PPA2: variants seen among roughly 807,000 people sequenced by gnomAD.
The protein encoded by PPA2 is inorganic pyrophosphatase 2, also known as inorganic pyrophosphatase 2, mitochondrial.
PPA2 carries 48 observed loss-of-function variants against 49.5 expected under a neutral mutation model. The observed-to-expected ratio is 0.97, with a 90% CI of 0.77 to 1.23. The LOEUF is 1.23. Among genes scored for constraint, PPA2 ranks in the 50% most tolerant of loss-of-function variants. The pLI is 0.00. For missense variants in PPA2, 429 were observed against 410.1 expected (o/e 1.05, Z -0.40); for synonymous variants, 131 against 139.9 (o/e 0.94, Z 0.45).
At position 105,424,199 on chromosome 4, in the gene PPA2, G is replaced by GA. The variant is rs1369031610; in HGVS notation, c.651dup (p.His218SerfsTer2). ...TTCTGGAAAGTAACAGTCTTACCAT[G>GA]AAACTTTGAGGCTTCAGGATCATTC... On this transcript the variant is annotated frameshift_variant, in exon 7 of 12. Coordinates refer to ENST00000341695, the MANE Select transcript of PPA2 (RefSeq NM_176869.3). LOFTEE classifies it high-confidence loss of function. 3.1e-6 allele frequency: 5 copies of GA among 1,600,922 alleles called. No homozygotes were observed. The highest frequency in any genetic ancestry group is 4.2e-6 in the Non-Finnish European group (5 of 1,177,118).
In PPA2 at chr4:105,395,358, T is replaced by C. The variant is rs550452793; in HGVS notation, c.869+891A>G. On this transcript the variant is annotated intron_variant, in intron 9 of 11. Coordinates refer to ENST00000341695, the MANE Select transcript of PPA2 (RefSeq NM_176869.3). ...GAGCACAGGGACTCTATCGTATTCA[T>C]AGTGTTATCTTTAGTACCCCCACAG... Among the ~76,000 whole-genome samples, 100 of 151,940 alleles carry C rather than the reference T, an allele frequency of 6.6e-4. 1 individual carries two copies. The Middle Eastern group carries it at 0.014, about 21-fold the overall frequency.
At chr4:105,436,447 C>A (rs1724061209) in intron 6 of PPA2, among the ~76,000 whole-genome samples, 1 of 151,998 alleles carries the variant, frequency 6.6e-6, no homozygotes, top group South Asian at 2.1e-4. Flanking sequence ...GTCATTTTTT[C>A]ACAGCATTAG....
intron 10 of PPA2, among the ~76,000 whole-genome samples, chr4:105,374,851 C>G (rs113643997): frequency 0.031 from 4,500 of 145,862 alleles, 198 homozygotes; most frequent in African/African-American, 0.096. Context: ...CTTTCTTTTT[C>G]TTTTTTCTTT....
chr4:105,435,437 C>T (rs66517713), intron 6 of PPA2, among the ~76,000 whole-genome samples: 19,146 of 152,078 alleles, frequency 0.13, 1,289 homozygotes, highest in African/African-American at 0.16. Context: ...CACCAAGGCA[C>T]ACAGTCATCA....
At chr4:105,413,339 G>C (rs1355631616) in intron 7 of PPA2, among the ~76,000 whole-genome samples, 1 of 152,014 alleles carries the variant, frequency 6.6e-6, no homozygotes, top group Non-Finnish European at 1.5e-5. Context: ...GACTGGGGGA[G>C]GGATAGTATT....
intron 3 of PPA2, among the ~76,000 whole-genome samples, chr4:105,450,538 G>A (rs1179016049): frequency 1.4e-5 from 2 of 145,978 alleles, no homozygotes; most frequent in African/African-American, 5.0e-5. Context: ...CAGCACGCCT[G>A]CTAATTTTTG....
chr4:105,440,398 A>G (rs990751395), intron 5 of PPA2, among the ~76,000 whole-genome samples: 2 of 151,852 alleles, frequency 1.3e-5, no homozygotes, highest in Non-Finnish European at 2.9e-5. Context: ...AGTGGCTGGA[A>G]CTACAGGCGC....
intron 9 of PPA2, among the ~76,000 whole-genome samples, chr4:105,395,754 G>A (rs1490592): frequency 0.42 from 64,319 of 151,838 alleles, 14,245 homozygotes; most frequent in East Asian, 0.68. Context: ...ATGTTAGAGT[G>A]TATATAAAAT....
intron 1 of PPA2, among the ~76,000 whole-genome samples, chr4:105,472,616 C>T (rs1723569772): frequency 6.6e-6 from 1 of 152,120 alleles, no homozygotes; most frequent in South Asian, 2.1e-4. Context: ...TTCCTGTTCA[C>T]CTGATCAGTC....
chr4:105,467,272 GAAGT>G (rs1276523698), intron 1 of PPA2, among the ~76,000 whole-genome samples: 2 of 152,208 alleles, frequency 1.3e-5, no homozygotes, highest in Non-Finnish European at 2.9e-5. Flanking sequence ...AGATCTGAAT[GAAGT>G]GAGGGAAGAG....
At chr4:105,391,535 G>T (rs530444339) in intron 9 of PPA2, among the ~76,000 whole-genome samples, 3 of 126,126 alleles carry the variant, frequency 2.4e-5, no homozygotes, top group South Asian at 3.0e-4. Context: ...TCAATACAAA[G>T]TATTAAAAAA....
chr4:105,391,494 A>G (rs1451716407), intron 9 of PPA2, among the ~76,000 whole-genome samples: 1 of 152,032 alleles, frequency 6.6e-6, no homozygotes, highest in African/African-American at 2.4e-5. Context: ...CTACTGCATC[A>G]AGTCCTGCTA....
intron 10 of PPA2, among the ~76,000 whole-genome samples, chr4:105,378,456 GT>G (rs1733346718): frequency 1.3e-5 from 2 of 152,026 alleles, no homozygotes; most frequent in Non-Finnish European, 1.5e-5. Context: ...GTTTTCTTGA[GT>G]TGTGAAAGTT....
chr4:105,391,225 T>C (rs548987667), intron 9 of PPA2, among the ~76,000 whole-genome samples: 65 of 151,482 alleles, frequency 4.3e-4, no homozygotes, highest in East Asian at 7.8e-4. Flanking sequence ...AAATGGCTGA[T>C]GCAGGCAGGG....
At chr4:105,451,173 G>A (rs1407438031) in intron 3 of PPA2, among the ~76,000 whole-genome samples, 2 of 152,096 alleles carry the variant, frequency 1.3e-5, no homozygotes, top group African/African-American at 4.8e-5. Flanking sequence ...ATTTTTATAG[G>A]CTCTCCAAGC....
At chr4:105,377,716 T>G (rs1733314116) in intron 10 of PPA2, among the ~76,000 whole-genome samples, 1 of 152,164 alleles carries the variant, frequency 6.6e-6, no homozygotes, top group Non-Finnish European at 1.5e-5. Context: ...AAAATCCTCC[T>G]TCCTGGCTCT....
At chr4:105,421,762 G>A (rs190726321) in intron 7 of PPA2, among the ~76,000 whole-genome samples, 128 of 152,268 alleles carry the variant, frequency 8.4e-4, no homozygotes, top group Non-Finnish European at 1.6e-3. Flanking sequence ...TACCAAACTT[G>A]CTGGGCATGG....
intron 10 of PPA2, among the ~76,000 whole-genome samples, chr4:105,382,340 T>C (rs1733522204): frequency 6.6e-6 from 1 of 152,152 alleles, no homozygotes; most frequent in Non-Finnish European, 1.5e-5. Context: ...TTGAAAAAAT[T>C]ATGTATTCAC....
At chr4:105,473,589 T>A (rs751487545) in intron 1 of PPA2, 5 of 600,328 alleles carry the variant, frequency 8.3e-6, no homozygotes, top group South Asian at 7.3e-5. Context: ...GGTGGCCGCT[T>A]GCACTCTGCC....
Sources: allele counts gnomAD v4.1 joint callset (sites outside exome capture counted in the v4.1 genomes callset), GRCh38; gene constraint gnomAD v4.1.1; transcripts MANE v1.5; gene names NCBI Gene and HGNC (gene_info 2026-07-23, HGNC 2026-07-21).